Variants in TRPM3 observed in about 807,000 individuals in gnomAD.
TRPM3 encodes the protein transient receptor potential cation channel subfamily M member 3.
A neutral mutation model predicts 181.2 loss-of-function variants in TRPM3; 77 were observed. The observed-to-expected ratio is 0.42, with a 90% CI of 0.35 to 0.51. TRPM3 has a LOEUF of 0.51. TRPM3 is among the 20% of genes least tolerant of loss of function. The pLI is 0.01. For missense variants in TRPM3, 1,759 were observed against 2,196.7 expected (o/e 0.80, Z 3.98); for synonymous variants, 745 against 796.4 (o/e 0.94, Z 1.09).
chr9:71,358,717 G>A (rs2092012802), intron 1 of TRPM3, among the ~76,000 whole-genome samples: 1 of 152,162 alleles, frequency 6.6e-6, no homozygotes, highest in African/African-American at 2.4e-5. Context: ...GTGAAAGGAG[G>A]AGTCAACAAA....
At chr9:70,932,705 A>G in intron 1 of TRPM3, among the ~76,000 whole-genome samples, 1 of 152,156 alleles carries the variant, frequency 6.6e-6, no homozygotes, top group Admixed American at 6.6e-5. Flanking sequence ...TGAAGAAGTC[A>G]CGTTAACTCT....
chr9:70,600,717 G>T (rs1260749404), intron 20 of TRPM3, among the ~76,000 whole-genome samples: 1 of 152,188 alleles, frequency 6.6e-6, no homozygotes, highest in Non-Finnish European at 1.5e-5. Flanking sequence ...TGCAGCTGGT[G>T]TTGTCCTGAT....
intron 8 of TRPM3, among the ~76,000 whole-genome samples, chr9:70,691,185 G>A (rs886578233): frequency 5.3e-5 from 8 of 152,072 alleles, no homozygotes; most frequent in South Asian, 4.1e-4. Context: ...TTGATTTTTC[G>A]TGTAATATTT....
chr9:70,553,948 G>A (rs898173531), intron 22 of TRPM3, among the ~76,000 whole-genome samples: 1 of 152,042 alleles, frequency 6.6e-6, no homozygotes, highest in Admixed American at 6.5e-5. Flanking sequence ...AGGGGTGATC[G>A]GCCGTGATCA....
At chr9:71,319,466 G>A (rs1483600851) in intron 1 of TRPM3, among the ~76,000 whole-genome samples, 1 of 152,106 alleles carries the variant, frequency 6.6e-6, no homozygotes, top group East Asian at 1.9e-4. Context: ...TCCAGCTTGA[G>A]AATGAATCTG....
chr9:71,075,030 TCAAC>T (rs2063266217), intron 1 of TRPM3, among the ~76,000 whole-genome samples: 1 of 152,182 alleles, frequency 6.6e-6, no homozygotes, highest in African/African-American at 2.4e-5. Context: ...CTTCTAGAAT[TCAAC>T]AATTCTAGAA....
chr9:70,639,894 G>A (rs192871549), intron 10 of TRPM3, among the ~76,000 whole-genome samples: 151 of 152,286 alleles, frequency 9.9e-4, no homozygotes, highest in South Asian at 2.5e-3. Context: ...GGGAAAGGAA[G>A]GAGTAAGATA....
intron 1 of TRPM3, among the ~76,000 whole-genome samples, chr9:70,995,276 C>T (rs2097531265): frequency 6.6e-6 from 1 of 152,130 alleles, no homozygotes; most frequent in Admixed American, 6.5e-5. Flanking sequence ...ATCAGGGTCT[C>T]CTAAAGAGCT....
chr9:71,105,205 A>G (rs987061054), intron 1 of TRPM3, among the ~76,000 whole-genome samples: 5 of 152,234 alleles, frequency 3.3e-5, no homozygotes, highest in African/African-American at 9.6e-5. Flanking sequence ...ACAGGAGTGC[A>G]TATTGTATGA....
chr9:71,136,815 G>T (rs974284601), intron 1 of TRPM3, among the ~76,000 whole-genome samples: 1 of 152,188 alleles, frequency 6.6e-6, no homozygotes, highest in Non-Finnish European at 1.5e-5. Context: ...CCTGGAAAAG[G>T]CAAGGAAGGA....
At chr9:71,117,189 C>T (rs558916084) in intron 1 of TRPM3, among the ~76,000 whole-genome samples, 25 of 152,306 alleles carry the variant, frequency 1.6e-4, no homozygotes, top group South Asian at 1.0e-3. Context: ...TCTAATCTTT[C>T]AGCTTCCAGT....
Position 70,999,239 on chromosome 9 carries a change from G to A in TRPM3, c.177+121939C>T, listed in dbSNP as rs116388834. ...CTAGTAATATACTGTCTATCCATCC[G>A]AAGTAGATCATAGGTGTGCTTTTAA... is the stretch of plus-strand genomic sequence containing the variant. On this transcript the variant is annotated intron_variant, in intron 1 of 25. Transcript: ENST00000677713. Among the ~76,000 whole-genome samples, 290 of 152,294 alleles carry A rather than the reference G, an allele frequency of 1.9e-3. 1 individual carries two copies. The highest frequency in any genetic ancestry group is 6.3e-3 in the African/African-American group (260 of 41,562).
intron 1 of TRPM3, among the ~76,000 whole-genome samples, chr9:71,026,324 A>C (rs1347522472): frequency 6.6e-6 from 1 of 152,130 alleles, no homozygotes; most frequent in Non-Finnish European, 1.5e-5. Flanking sequence ...CTGCACCTGC[A>C]TGCAGTGCAG....
At chr9:71,420,538 A>G (rs909352544) in intron 1 of TRPM3, among the ~76,000 whole-genome samples, 4 of 151,420 alleles carry the variant, frequency 2.6e-5, no homozygotes, top group Non-Finnish European at 4.4e-5. Flanking sequence ...AGAAAGAAAG[A>G]AAGAAAAAGA....
chr9:71,327,460 T>C (rs1204779330), intron 1 of TRPM3, among the ~76,000 whole-genome samples: 3 of 152,100 alleles, frequency 2.0e-5, no homozygotes, highest in Admixed American at 2.0e-4. Context: ...TAGAGAAGAA[T>C]GTTATATGCA....
At chr9:70,980,346 G>A (rs2097352570) in intron 1 of TRPM3, among the ~76,000 whole-genome samples, 1 of 151,992 alleles carries the variant, frequency 6.6e-6, no homozygotes, top group South Asian at 2.1e-4. Context: ...GGGAGCAGCA[G>A]CATGATCACA....
At chr9:70,600,576 C>G (rs1307134237) in intron 20 of TRPM3, among the ~76,000 whole-genome samples, 1 of 152,138 alleles carries the variant, frequency 6.6e-6, no homozygotes, top group Non-Finnish European at 1.5e-5. Flanking sequence ...AATATAGATG[C>G]TGGGCCCTCA....
At chr9:70,559,584 A>G (rs900568100) in intron 22 of TRPM3, among the ~76,000 whole-genome samples, 1 of 152,162 alleles carries the variant, frequency 6.6e-6, no homozygotes, top group Non-Finnish European at 1.5e-5. Flanking sequence ...ATTAATCTTG[A>G]TGTTTTTTCC....
chr9:70,635,317 A>G, intron 11 of TRPM3, 56 bp from the exon 12 acceptor site: 1 of 1,521,312 alleles, frequency 6.6e-7, no homozygotes, highest in Non-Finnish European at 9.1e-7. Flanking sequence ...TCTGGTTGGC[A>G]AGACAAGAAG....
Sources: allele counts gnomAD v4.1 joint callset (sites outside exome capture counted in the v4.1 genomes callset), GRCh38; gene constraint gnomAD v4.1.1; transcripts MANE v1.5; gene names NCBI Gene and HGNC (gene_info 2026-07-23, HGNC 2026-07-21).